Variants in NCAM1 observed in about 807,000 individuals in gnomAD.
The protein encoded by NCAM1 is neural cell adhesion molecule 1.
NCAM1 carries 14 observed loss-of-function variants against 109.8 expected under a neutral mutation model. The observed-to-expected ratio is 0.13, with a 90% CI of 0.08 to 0.20. The LOEUF is 0.20. Among genes scored for constraint, NCAM1 ranks in the 10% least tolerant of loss-of-function variants. NCAM1 has a pLI of 1.00. For synonymous variants in NCAM1, 418 were observed against 442.9 expected (o/e 0.94, Z 0.70); for missense variants, 774 against 1,109.9 (o/e 0.70, Z 4.30).
chr11:113,141,239 G>A (rs1941807554), intron 1 of NCAM1, among the ~76,000 whole-genome samples: 2 of 152,200 alleles, frequency 1.3e-5, no homozygotes, highest in South Asian at 4.1e-4. Flanking sequence ...CTGCTGTGAT[G>A]ACCTACTCTG....
In NCAM1 at chr11:113,260,147, T is replaced by C; in HGVS notation, c.1955T>C (p.Leu652Pro). ...CTTCTTGCCGGTTTCTCCCAGAAGCTCTCCTCCGAGTGGAAACCAGAGATC... is the reference window on the plus strand; with the variant it reads ...CTTCTTGCCGGTTTCTCCCAGAAGCCCTCCTCCGAGTGGAAACCAGAGATC... Reference protein sequence around the residue: ...IRHYLVRYRALSSEWKPEIRL... With the variant: ...IRHYLVRYRAPSSEWKPEIRL... Residue 652 changes from leucine to proline, a missense_variant and splice_region_variant, in exon 17 of 20, where the codon CTC becomes CCC. This residue lies in a region of NCAM1 where 523 missense variants were observed against 784.2 expected (regional missense o/e 0.67). Coordinates refer to ENST00000316851, the MANE Select transcript of NCAM1 (RefSeq NM_181351.5). The C allele has an allele frequency of 6.2e-7, 1 of 1,608,588 alleles. No individual in the cohort carries two copies. Among genetic ancestry groups the C allele is most frequent in the Non-Finnish European group, 8.5e-7 (1 of 1,178,338 alleles).
At chr11:112,996,666 A>G (rs1015632841) in intron 1 of NCAM1, among the ~76,000 whole-genome samples, 1 of 152,130 alleles carries the variant, frequency 6.6e-6, no homozygotes, top group Non-Finnish European at 1.5e-5. Context: ...AGGGCAGTGC[A>G]GTTGTTTTAT....
intron 1 of NCAM1, among the ~76,000 whole-genome samples, chr11:113,174,173 G>A (rs1004678444): frequency 6.6e-6 from 1 of 152,008 alleles, no homozygotes; most frequent in African/African-American, 2.4e-5. Flanking sequence ...AGATTTCCTG[G>A]CAATCCTGTT....
intron 1 of NCAM1, among the ~76,000 whole-genome samples, chr11:113,086,414 T>C (rs914290324): frequency 1.3e-5 from 2 of 152,252 alleles, no homozygotes; most frequent in Non-Finnish European, 2.9e-5. Context: ...GCAACGAATC[T>C]GTCTTCTTAA....
intron 8 of NCAM1, among the ~76,000 whole-genome samples, chr11:113,217,198 C>T (rs1443032564): frequency 6.6e-6 from 1 of 152,176 alleles, no homozygotes; most frequent in East Asian, 1.9e-4. Context: ...GGCCTAGCAT[C>T]CTTGCCAGGA....
chr11:113,203,981 C>T (rs1944155197), intron 2 of NCAM1, among the ~76,000 whole-genome samples: 1 of 152,204 alleles, frequency 6.6e-6, no homozygotes, highest in African/African-American at 2.4e-5. Context: ...GCCCAGCACA[C>T]AGTATGTTCT....
intron 1 of NCAM1, among the ~76,000 whole-genome samples, chr11:113,193,114 T>A (rs952492282): frequency 6.6e-6 from 1 of 152,196 alleles, no homozygotes; most frequent in Non-Finnish European, 1.5e-5. Flanking sequence ...TCTATGGAGA[T>A]ACTTCTGATT....
intron 1 of NCAM1, among the ~76,000 whole-genome samples, chr11:113,151,587 G>A (rs116485180): frequency 0.012 from 1,903 of 152,334 alleles, 34 homozygotes; most frequent in African/African-American, 0.043. Flanking sequence ...CACATTCTGA[G>A]AGCCCAGCAT....
intron 1 of NCAM1, among the ~76,000 whole-genome samples, chr11:112,973,033 C>A (rs1204016713): frequency 6.6e-6 from 1 of 152,104 alleles, no homozygotes; most frequent in East Asian, 1.9e-4. Context: ...GGGTTTTCCC[C>A]AGTGACTTCA....
rs185622635 is a variant in NCAM1 at position 113,169,560 on chromosome 11, A to T, written c.53-32819A>T. 3.1e-4 allele frequency among the ~76,000 whole-genome samples: 47 copies of T among 151,884 alleles called. No individual in the cohort carries two copies. In the South Asian group the frequency reaches 5.6e-3, roughly 18 times the overall value. Reference sequence around the variant, plus strand: ...TAAGATGACAGTTGGTTCTATGAACACATGGGTCCTGGTAAGCTTGCATTG... The same window carrying T: ...TAAGATGACAGTTGGTTCTATGAACTCATGGGTCCTGGTAAGCTTGCATTG... On this transcript the variant is annotated intron_variant, in intron 1 of 19. Coordinates refer to ENST00000316851, the MANE Select transcript of NCAM1 (RefSeq NM_181351.5).
At chr11:113,216,353 C>T (rs648092) in intron 8 of NCAM1, among the ~76,000 whole-genome samples, 26,219 of 151,508 alleles carry the variant, frequency 0.17, 2,880 homozygotes, top group African/African-American at 0.32. Context: ...GGGGTTTCAC[C>T]GTGTTAGCCA....
intron 1 of NCAM1, among the ~76,000 whole-genome samples, chr11:113,049,403 A>G (rs1335497672): frequency 6.6e-6 from 1 of 152,192 alleles, no homozygotes; most frequent in East Asian, 1.9e-4. Flanking sequence ...TCATGGATCA[A>G]GGCCAGAAAT....
At chr11:113,028,574 CT>C (rs760941890) in intron 1 of NCAM1, among the ~76,000 whole-genome samples, 61 of 152,244 alleles carry the variant, frequency 4.0e-4, no homozygotes, top group Non-Finnish European at 6.9e-4. Flanking sequence ...ACCTTAGTTT[CT>C]TTGTCAAATC....
chr11:112,961,557 G>C lies in NCAM1; in HGVS notation c.-56G>C, dbSNP rs781985812. On this transcript the variant is annotated 5_prime_UTR_variant, in exon 1 of 20. Coordinates refer to ENST00000316851, the MANE Select transcript of NCAM1 (RefSeq NM_181351.5). The stretch of plus-strand genomic sequence containing the variant: ...AGCCGCCGTCCACACTCGCTGCAGG[G>C]GGGGGGGCACAGAATTTACCGCGGC... 23 of 1,121,036 alleles carry C rather than the reference G, an allele frequency of 2.1e-5. No individual in the cohort carries two copies. Among genetic ancestry groups the C allele is most frequent in the Middle Eastern group, 2.0e-4 (1 of 5,104 alleles). 69.4% of individuals were successfully genotyped at this position (1,121,036 alleles called of 1,614,324 possible).
chr11:113,162,645 G>A (rs1338687046), intron 1 of NCAM1, among the ~76,000 whole-genome samples: 2 of 152,156 alleles, frequency 1.3e-5, no homozygotes, highest in Non-Finnish European at 2.9e-5. Flanking sequence ...TGGAGGGATA[G>A]CAGTGATGTA....
At chr11:113,186,139 G>T (rs1365922559) in intron 1 of NCAM1, among the ~76,000 whole-genome samples, 1 of 152,212 alleles carries the variant, frequency 6.6e-6, no homozygotes, top group Non-Finnish European at 1.5e-5. Context: ...TTAGGCCAGG[G>T]GTCCCCAGCC....
At chr11:113,232,549 C>T (rs551966579) in intron 11 of NCAM1, among the ~76,000 whole-genome samples, 169 bp from the exon 12 acceptor site, 1 of 152,174 alleles carries the variant, frequency 6.6e-6, no homozygotes, top group Non-Finnish European at 1.5e-5. Flanking sequence ...GAATGTGCCT[C>T]TCCCATGAGC....
chr11:113,055,397 C>T (rs77119934), intron 1 of NCAM1, among the ~76,000 whole-genome samples: 2,436 of 152,266 alleles, frequency 0.016, 166 homozygotes, highest in East Asian at 0.022. Flanking sequence ...ACGTTTTAAA[C>T]TTGGTATTTG....
intron 1 of NCAM1, among the ~76,000 whole-genome samples, chr11:113,003,231 T>C (rs541257729): frequency 7.4e-4 from 113 of 152,374 alleles, no homozygotes; most frequent in African/African-American, 2.7e-3. Context: ...TCACTCTGTG[T>C]GTTAGGGAAA....
Sources: gnomAD v4.1 joint callset for allele counts (sites outside exome capture counted in the v4.1 genomes callset) on GRCh38, gnomAD v4.1.1 for gene constraint, gnomAD v4.1.1 regional missense constraint, MANE v1.5 for transcripts, NCBI Gene and HGNC (gene_info 2026-07-23, HGNC 2026-07-21) for gene names.